The following ANKRD11 variants were observed in gnomAD, a reference collection of about 807,000 sequenced individuals.
The protein encoded by ANKRD11 is ankyrin repeat domain-containing protein 11.
ANKRD11 carries 17 observed loss-of-function variants against 195.7 expected under a neutral mutation model. The ratio of observed to expected loss-of-function variants is 0.09; its 90% CI spans 0.06 to 0.13. The LOEUF (loss-of-function observed/expected upper bound fraction) is 0.13, where lower values mean the gene tolerates loss of function less well. Among genes scored for constraint, ANKRD11 ranks in the 10% least tolerant of loss-of-function variants. ANKRD11 has a pLI of 1.00. For synonymous variants in ANKRD11, 1,953 were observed against 1,528.1 expected, an observed-to-expected ratio of 1.28 and a Z score of -6.49; for missense variants, 3,735 against 3,566.1, an observed-to-expected ratio of 1.05 and a Z score of -1.21.
chr16:89,385,703 T>C (rs2040877138), intron 2 of ANKRD11, among the ~76,000 whole-genome samples: 1 of 152,246 alleles, frequency 6.6e-6, no homozygotes, highest in Non-Finnish European at 1.5e-5. Context: ...GTCCATCACG[T>C]ACAGTCTGCA....
chr16:89,286,901 A>G (rs1406028358), intron 7 of ANKRD11: 2 of 1,289,286 alleles, frequency 1.6e-6, no homozygotes, highest in African/African-American at 3.0e-5. Context: ...TAGCGCATTC[A>G]AAGAATCTGT....
intron 2 of ANKRD11, among the ~76,000 whole-genome samples, chr16:89,384,582 G>C (rs2040814060): frequency 6.6e-6 from 1 of 152,136 alleles, no homozygotes; most frequent in South Asian, 2.1e-4. Flanking sequence ...GGACGGGACG[G>C]GATGGGGCAG....
intron 2 of ANKRD11, among the ~76,000 whole-genome samples, chr16:89,344,817 T>C (rs947965089): frequency 2.0e-5 from 3 of 152,164 alleles, no homozygotes; most frequent in Non-Finnish European, 2.9e-5. Context: ...TCCCACCCAA[T>C]AGCAGACGAG....
chr16:89,484,526 C>T (rs1401011716), intron 1 of ANKRD11, among the ~76,000 whole-genome samples: 2 of 152,094 alleles, frequency 1.3e-5, no homozygotes, highest in African/African-American at 4.8e-5. Context: ...ATACTGCATT[C>T]CAAAATTTAT....
chr16:89,466,371 A>AG (rs2056885119), intron 1 of ANKRD11, among the ~76,000 whole-genome samples: 1 of 152,196 alleles, frequency 6.6e-6, no homozygotes, highest in Admixed American at 6.5e-5. Context: ...CTGATGACAC[A>AG]GGGGACCGCA....
Position 89,284,951 on chromosome 16 carries a change from C to T in ANKRD11, c.1591G>A (p.Ala531Thr), listed in dbSNP as rs756332789. The T allele has an allele frequency of 2.3e-5, 37 of 1,613,980 alleles. No homozygotes were observed. Among genetic ancestry groups the T allele is most frequent in the Admixed American group, 1.3e-4 (8 of 60,004 alleles). Residue 531 changes from alanine to threonine, a missense_variant, in exon 9 of 13, where the codon GCC becomes ACC. Coordinates refer to ENST00000301030, the MANE Select transcript of ANKRD11 (RefSeq NM_013275.6). ...GTGTGGCTGGGGTTCTGCTTCTGGG[C>T]GGCAGAGCTCCCGTGAGACGAGGTG... is the stretch of plus-strand genomic sequence containing the variant. Reference protein sequence around the residue: ...SSTSSHGSSAAQKQNPSHTDQ... With the variant: ...SSTSSHGSSATQKQNPSHTDQ...
chr16:89,486,442 T>C (rs1263415788), intron 1 of ANKRD11, among the ~76,000 whole-genome samples: 4 of 138,934 alleles, frequency 2.9e-5, no homozygotes, highest in African/African-American at 1.1e-4. Context: ...ACCGAGACCC[T>C]GCCTCAAAAA....
chr16:89,490,458 C>G lies in ANKRD11; in HGVS notation c.-358G>C, dbSNP rs1050143088. 8.2e-5 allele frequency: 31 copies of G among 379,928 alleles called. No homozygotes were observed. Among genetic ancestry groups the G allele is most frequent in the Non-Finnish European group, 1.2e-4 (26 of 213,334 alleles). The allele number at this position is 379,928 out of a possible 1,614,324, so 23.5% of individuals were successfully genotyped here. On this transcript the variant is annotated 5_prime_UTR_variant, in exon 1 of 13. Coordinates refer to ENST00000301030, the MANE Select transcript of ANKRD11 (RefSeq NM_013275.6). ...CACGGCTCGGGCGAGAGCCGCGGCT[C>G]CCGGTGCGGACGCTACTGATGGGGC...
intron 1 of ANKRD11, among the ~76,000 whole-genome samples, chr16:89,471,641 C>T (rs1271160949): frequency 2.0e-5 from 3 of 151,670 alleles, no homozygotes; most frequent in South Asian, 4.2e-4. Context: ...AAAAATTATC[C>T]GGGCGTGGTG....
At chr16:89,458,761 C>T (rs1177582754) in intron 1 of ANKRD11, 1 of 152,214 alleles carries the variant, frequency 6.6e-6, no homozygotes, top group Non-Finnish European at 1.5e-5. Context: ...ATTTAACCTC[C>T]CAAAGAGGGA....
chr16:89,270,241 G>A lies in ANKRD11; in HGVS notation c.7806+576C>T, dbSNP rs892390994. On this transcript the variant is annotated intron_variant, in intron 12 of 12. Transcript: ENST00000301030. The stretch of plus-strand genomic sequence containing the variant: ...ACACGGGTGCTTGGTTCAGGGACCT[G>A]GGTGGTGCTGAGCCTGATACTGCAG... 3 of 197,300 alleles carry A rather than the reference G, an allele frequency of 1.5e-5. No individual in the cohort carries two copies. In the East Asian group the frequency reaches 3.8e-4, roughly 25 times the overall value. The allele number at this position is 197,300 out of a possible 1,614,324, so 12.2% of individuals were successfully genotyped here.
intron 2 of ANKRD11, among the ~76,000 whole-genome samples, chr16:89,413,378 C>A (rs1452660197): frequency 6.6e-6 from 1 of 152,174 alleles, no homozygotes; most frequent in East Asian, 1.9e-4. Flanking sequence ...GTAATCCCAG[C>A]ACTTTGGGAG....
chr16:89,463,843 T>C (rs563273118), intron 1 of ANKRD11, among the ~76,000 whole-genome samples: 2 of 152,290 alleles, frequency 1.3e-5, no homozygotes, highest in East Asian at 3.9e-4. Context: ...GCTTTCTACT[T>C]ATGCAAAAAA....
chr16:89,442,619 C>T (rs1480503198), intron 1 of ANKRD11, among the ~76,000 whole-genome samples: 1 of 152,200 alleles, frequency 6.6e-6, no homozygotes, highest in Admixed American at 6.5e-5. Context: ...AGACTCATTT[C>T]CAGATAAAGC....
intron 1 of ANKRD11, among the ~76,000 whole-genome samples, chr16:89,477,208 T>C (rs542531217): frequency 5.3e-4 from 81 of 152,034 alleles, no homozygotes; most frequent in Non-Finnish European, 9.3e-4. Context: ...TTTTTTTTTT[T>C]TGGAGACAGA....
chr16:89,297,584 G>C (rs1356154349), intron 4 of ANKRD11: 1 of 152,242 alleles, frequency 6.6e-6, no homozygotes, highest in Non-Finnish European at 1.5e-5. Context: ...ACAACGCCAA[G>C]TTCCTACCCG....
chr16:89,302,856 G>C (rs1170008941), intron 4 of ANKRD11, among the ~76,000 whole-genome samples: 1 of 152,104 alleles, frequency 6.6e-6, no homozygotes, highest in Non-Finnish European at 1.5e-5. Context: ...ACAGAGTAAG[G>C]ACATGGTGTT....
intron 6 of ANKRD11, among the ~76,000 whole-genome samples, chr16:89,289,343 G>A (rs1175466865): frequency 6.6e-6 from 1 of 152,160 alleles, no homozygotes; most frequent in Non-Finnish European, 1.5e-5. Context: ...CAGGGCAGTT[G>A]GAGAAATCTA....
At chr16:89,376,568 G>C (rs1282981971) in intron 2 of ANKRD11, among the ~76,000 whole-genome samples, 1 of 152,104 alleles carries the variant, frequency 6.6e-6, no homozygotes, top group Non-Finnish European at 1.5e-5. Context: ...CTCCCAAGTA[G>C]CTGGGACCAC....
Sources: gnomAD v4.1 joint callset for allele counts (sites outside exome capture counted in the v4.1 genomes callset) on GRCh38, gnomAD v4.1.1 for gene constraint, MANE v1.5 for transcripts, NCBI Gene and HGNC (gene_info 2026-07-23, HGNC 2026-07-21) for gene names.